The following CNTNAP5 variants were observed in gnomAD, a reference collection of about 807,000 sequenced individuals.
CNTNAP5 encodes contactin associated protein family member 5.
Under a neutral mutation model 150.2 loss-of-function variants are expected in CNTNAP5, and 72 were observed. That is an observed-to-expected ratio of 0.48 (90% CI 0.40 to 0.58). The LOEUF is 0.58. Ranked by LOEUF, CNTNAP5 falls within the 20% of genes least tolerant of loss-of-function variation. The probability of loss-of-function intolerance (pLI) is 0.00; values close to 1 mark genes in which losing one functional copy is unlikely to be tolerated. For missense variants in CNTNAP5, 1,636 were observed against 1,626.2 expected, an observed-to-expected ratio of 1.01 and a Z score of -0.10; for synonymous variants, 672 against 619.8, an observed-to-expected ratio of 1.08 and a Z score of -1.25.
chr2:124,178,812 A>G (rs1558788921), intron 1 of CNTNAP5, among the ~76,000 whole-genome samples: 1 of 152,152 alleles, frequency 6.6e-6, no homozygotes, highest in Non-Finnish European at 1.5e-5. Flanking sequence ...TAGTGTGCTC[A>G]TTATCACAGA....
chr2:124,848,432 T>A (rs966416456), intron 19 of CNTNAP5, among the ~76,000 whole-genome samples: 67 of 152,182 alleles, frequency 4.4e-4, no homozygotes, highest in Non-Finnish European at 7.9e-4. Context: ...TGGTTATTTC[T>A]ATATCTTGGC....
At chr2:124,478,769 C>T (rs879622202) in intron 7 of CNTNAP5, among the ~76,000 whole-genome samples, 2 of 152,150 alleles carry the variant, frequency 1.3e-5, no homozygotes, top group Admixed American at 1.3e-4. Context: ...CTAGTGTTCG[C>T]AGACTCTCTT....
intron 3 of CNTNAP5, among the ~76,000 whole-genome samples, chr2:124,296,116 A>C (rs1688424357): frequency 6.6e-6 from 1 of 152,144 alleles, no homozygotes; most frequent in Admixed American, 6.6e-5. Context: ...CATTCATATC[A>C]TGCAGGCTGC....
At chr2:124,438,574 G>A (rs1396396360) in intron 5 of CNTNAP5, among the ~76,000 whole-genome samples, 1 of 152,056 alleles carries the variant, frequency 6.6e-6, no homozygotes, top group African/African-American at 2.4e-5. Flanking sequence ...GGAGCACCTG[G>A]GGGCCGAGTA....
intron 2 of CNTNAP5, among the ~76,000 whole-genome samples, chr2:124,230,574 C>G (rs765490365): frequency 6.6e-6 from 1 of 151,552 alleles, no homozygotes; most frequent in Non-Finnish European, 1.5e-5. Context: ...CTCTGTCACC[C>G]AGGCTGGGGT....
chr2:124,544,712 A>G (rs901241778), intron 10 of CNTNAP5, among the ~76,000 whole-genome samples: 2 of 152,186 alleles, frequency 1.3e-5, no homozygotes, highest in African/African-American at 2.4e-5. Context: ...TGGATAGGGC[A>G]GGGTTAGACA....
At chr2:124,256,020 C>T (rs1687305402) in intron 3 of CNTNAP5, among the ~76,000 whole-genome samples, 1 of 152,108 alleles carries the variant, frequency 6.6e-6, no homozygotes, top group African/African-American at 2.4e-5. Context: ...ACAGAAATGT[C>T]ATCAGTTTGG....
intron 1 of CNTNAP5, among the ~76,000 whole-genome samples, chr2:124,100,034 A>G (rs1364676619): frequency 6.6e-6 from 1 of 152,196 alleles, no homozygotes; most frequent in Non-Finnish European, 1.5e-5. Context: ...TAAAGAAATA[A>G]CTGAGACTGG....
chr2:124,618,640 G>A (rs559099896), intron 12 of CNTNAP5, among the ~76,000 whole-genome samples: 11 of 152,232 alleles, frequency 7.2e-5, no homozygotes, highest in Non-Finnish European at 1.5e-4. Context: ...GCAGGAGTGC[G>A]TATTGATAGA....
intron 7 of CNTNAP5, among the ~76,000 whole-genome samples, chr2:124,500,836 C>A (rs1409600413): frequency 6.7e-6 from 1 of 150,238 alleles, no homozygotes; most frequent in Non-Finnish European, 1.5e-5. Flanking sequence ...ATCTTAGGAA[C>A]AATAGGAGAC....
intron 19 of CNTNAP5, among the ~76,000 whole-genome samples, chr2:124,811,159 T>C (rs550828208): frequency 1.5e-4 from 23 of 152,242 alleles, no homozygotes; most frequent in African/African-American, 5.1e-4. Flanking sequence ...CAGGGAATCT[T>C]ATGTGACTGG....
intron 1 of CNTNAP5, among the ~76,000 whole-genome samples, chr2:124,119,141 A>G (rs1237947847): frequency 1.3e-5 from 2 of 152,100 alleles, no homozygotes; most frequent in Non-Finnish European, 2.9e-5. Flanking sequence ...TGTCAGTTCT[A>G]ATGAATTCTA....
intron 12 of CNTNAP5, among the ~76,000 whole-genome samples, chr2:124,627,522 C>CA (rs3039905): frequency 0.022 from 2,930 of 132,006 alleles, 50 homozygotes; most frequent in African/African-American, 0.052. Context: ...ACAACAACAT[C>CA]AAAAAAAAAA....
chr2:124,699,678 T>C (rs1558740122), intron 13 of CNTNAP5, among the ~76,000 whole-genome samples: 1 of 152,144 alleles, frequency 6.6e-6, no homozygotes. Flanking sequence ...GGGAGGTTAA[T>C]TGATGGAGGT....
At chr2:124,303,811 C>A in intron 3 of CNTNAP5, among the ~76,000 whole-genome samples, 1 of 152,148 alleles carries the variant, frequency 6.6e-6, no homozygotes, top group East Asian at 1.9e-4. Flanking sequence ...AGAGGGGCAT[C>A]GCTTGAGGCC....
At position 124,673,687 on chromosome 2, in the gene CNTNAP5, G is replaced by A. The variant is rs562985553; in HGVS notation, c.2077+25729G>A. On this transcript the variant is annotated intron_variant, in intron 13 of 23. Transcript: ENST00000682447. Reference sequence around the variant, plus strand: ...GGGCATTACGTAATTTAATAATCACGTATTATTTTTCTGATTTTATAGAGA... The same window carrying A: ...GGGCATTACGTAATTTAATAATCACATATTATTTTTCTGATTTTATAGAGA... Among the ~76,000 whole-genome samples the A allele has an allele frequency of 1.5e-4, 23 of 150,628 alleles. No individual in the cohort carries two copies. The East Asian group carries it at 2.3e-3, about 15-fold the overall frequency.
rs549660677 is a variant in CNTNAP5, at chr2:124,231,859, C to A, written c.187+10050C>A. ...GCCCTCTATTCAGGCTGGCTAATTG[C>A]AAAACCACATGATGAGGAGGAGGAG... On this transcript the variant is annotated intron_variant, in intron 2 of 23. Coordinates refer to ENST00000682447, the MANE Select transcript of CNTNAP5 (RefSeq NM_001367498.1). Among the ~76,000 whole-genome samples the A allele has an allele frequency of 4.6e-5, 7 of 152,080 alleles. No homozygotes were observed. In the South Asian group the frequency reaches 1.2e-3, roughly 27 times the overall value.
chr2:124,214,252 C>A (rs1172698952), intron 1 of CNTNAP5, among the ~76,000 whole-genome samples: 2 of 152,130 alleles, frequency 1.3e-5, no homozygotes, highest in Admixed American at 1.3e-4. Flanking sequence ...AAGCCACTTA[C>A]AAGCAGGAAA....
chr2:124,654,188 G>A (rs1678391834), intron 13 of CNTNAP5, among the ~76,000 whole-genome samples: 1 of 152,032 alleles, frequency 6.6e-6, no homozygotes, highest in South Asian at 2.1e-4. Flanking sequence ...GGAAAATGAT[G>A]GAAAGTGGTA....
Sources: gnomAD v4.1 joint callset for allele counts (sites outside exome capture counted in the v4.1 genomes callset) on GRCh38, gnomAD v4.1.1 for gene constraint, MANE v1.5 for transcripts, NCBI Gene and HGNC (gene_info 2026-07-23, HGNC 2026-07-21) for gene names.